ASIC2: variants seen among roughly 807,000 people sequenced by gnomAD.
The protein encoded by ASIC2 is acid sensing ion channel subunit 2, also known as acid-sensing ion channel 2.
ASIC2 carries 25 observed loss-of-function variants against 57.3 expected under a neutral mutation model. The observed-to-expected ratio is 0.44, with a 90% CI of 0.32 to 0.61. The LOEUF is 0.61. ASIC2 is among the 20% of genes least tolerant of loss of function. The pLI is 0.06. For synonymous variants in ASIC2, 319 were observed against 307.5 expected (o/e 1.04, Z -0.39); for missense variants, 641 against 738.1 (o/e 0.87, Z 1.52).
intron 1 of ASIC2, among the ~76,000 whole-genome samples, chr17:33,878,650 T>C (rs1162714773): frequency 6.6e-6 from 1 of 152,198 alleles, no homozygotes; most frequent in Non-Finnish European, 1.5e-5. Flanking sequence ...CTGAAAGTGA[T>C]GGGGAGAATG....
At chr17:33,409,463 A>G (rs1910580333) in intron 1 of ASIC2, among the ~76,000 whole-genome samples, 2 of 152,112 alleles carry the variant, frequency 1.3e-5, no homozygotes, top group African/African-American at 2.4e-5. Flanking sequence ...CCCTACAATA[A>G]CCCTAACACT....
intron 1 of ASIC2, among the ~76,000 whole-genome samples, chr17:33,184,407 C>A (rs1906105177): frequency 6.6e-6 from 1 of 152,160 alleles, no homozygotes. Flanking sequence ...AACACCGCCA[C>A]CTGAGACTTA....
intron 1 of ASIC2, among the ~76,000 whole-genome samples, chr17:33,416,560 C>T (rs1910847831): frequency 6.6e-6 from 1 of 152,190 alleles, no homozygotes; most frequent in Non-Finnish European, 1.5e-5. Flanking sequence ...AGCTACTAAC[C>T]AGGGCAGGTG....
At chr17:33,256,914 C>T (rs1314929620) in intron 1 of ASIC2, among the ~76,000 whole-genome samples, 1 of 152,154 alleles carries the variant, frequency 6.6e-6, no homozygotes, top group East Asian at 1.9e-4. Context: ...TTCCCCTCCC[C>T]ACTGGGTTCG....
Position 33,501,447 on chromosome 17 carries a change from T to A in ASIC2, c.556-389380A>T, listed in dbSNP as rs548046768. 3.9e-5 allele frequency among the ~76,000 whole-genome samples: 6 copies of A among 152,354 alleles called. No individual in the cohort carries two copies. The East Asian group carries it at 1.2e-3, about 29-fold the overall frequency. Reference sequence around the variant, plus strand: ...CCCCTACCTTGTCTTTATTTGTTTTTACTCCTGTAAACACTGGCACAGAAA... The same window carrying A: ...CCCCTACCTTGTCTTTATTTGTTTTAACTCCTGTAAACACTGGCACAGAAA... On this transcript the variant is annotated intron_variant, in intron 1 of 9. Transcript: ENST00000359872.
At chr17:33,284,115 T>C (rs914936907) in intron 1 of ASIC2, among the ~76,000 whole-genome samples, 18 of 152,292 alleles carry the variant, frequency 1.2e-4, no homozygotes, top group South Asian at 4.1e-4. Context: ...GAGGAAACAA[T>C]TTACAAGGCA....
At chr17:33,277,667 A>G (rs778724280) in intron 1 of ASIC2, among the ~76,000 whole-genome samples, 3 of 152,178 alleles carry the variant, frequency 2.0e-5, no homozygotes, top group Non-Finnish European at 2.9e-5. Context: ...ATGTGGTGCT[A>G]ATTACCCAGA....
intron 1 of ASIC2, among the ~76,000 whole-genome samples, chr17:33,507,789 C>T (rs1332959436): frequency 6.6e-6 from 1 of 152,150 alleles, no homozygotes; most frequent in African/African-American, 2.4e-5. Context: ...CCTCTAATCC[C>T]AGCTACTCAG....
At chr17:33,016,463 A>G (rs867343651) in intron 8 of ASIC2, among the ~76,000 whole-genome samples, 17 of 152,294 alleles carry the variant, frequency 1.1e-4, no homozygotes, top group Middle Eastern at 3.4e-3. Flanking sequence ...AGACCAGGAC[A>G]TGCCTGAGTT....
intron 1 of ASIC2, among the ~76,000 whole-genome samples, chr17:33,801,237 G>A (rs1482789872): frequency 1.3e-5 from 2 of 152,176 alleles, no homozygotes; most frequent in Admixed American, 1.3e-4. Context: ...AGGGTTCATC[G>A]TGTGATGGTA....
intron 1 of ASIC2, among the ~76,000 whole-genome samples, chr17:33,679,593 G>A (rs1164434407): frequency 6.6e-6 from 1 of 152,146 alleles, no homozygotes; most frequent in Non-Finnish European, 1.5e-5. Flanking sequence ...AAAACACATA[G>A]CACTAGGAAG....
chr17:33,217,405 A>C (rs1435923965), intron 1 of ASIC2, among the ~76,000 whole-genome samples: 1 of 152,164 alleles, frequency 6.6e-6, no homozygotes, highest in African/African-American at 2.4e-5. Flanking sequence ...CACACACACA[A>C]ACACACACGC....
chr17:33,864,793 A>T (rs1285979095), intron 1 of ASIC2, among the ~76,000 whole-genome samples: 1 of 152,212 alleles, frequency 6.6e-6, no homozygotes, highest in African/African-American at 2.4e-5. Flanking sequence ...ATGGCCTACA[A>T]AACAGAGCAT....
At chr17:33,424,701 C>T (rs1911157862) in intron 1 of ASIC2, among the ~76,000 whole-genome samples, 1 of 152,144 alleles carries the variant, frequency 6.6e-6, no homozygotes, top group African/African-American at 2.4e-5. Context: ...TTTCTTCCTT[C>T]CTTTAGTCCT....
At chr17:33,689,608 G>T (rs1908303194) in intron 1 of ASIC2, among the ~76,000 whole-genome samples, 1 of 151,792 alleles carries the variant, frequency 6.6e-6, no homozygotes, top group Admixed American at 6.6e-5. Context: ...AGATTGAGAT[G>T]ATTCCCCCTC....
chr17:33,154,367 C>A (rs999092062), intron 1 of ASIC2, among the ~76,000 whole-genome samples: 7 of 152,200 alleles, frequency 4.6e-5, no homozygotes, highest in African/African-American at 1.7e-4. Flanking sequence ...TATTCTAATA[C>A]TTTCATGGCA....
At chr17:33,158,275 T>TTGAA (rs3082795) in intron 1 of ASIC2, among the ~76,000 whole-genome samples, 36,833 of 151,374 alleles carry the variant, frequency 0.24, 4,590 homozygotes, top group East Asian at 0.39. Flanking sequence ...TCAGCAATAC[T>TTGAA]TGAATGAATG....
At chr17:33,138,077 G>T (rs927750176) in intron 1 of ASIC2, among the ~76,000 whole-genome samples, 1 of 152,186 alleles carries the variant, frequency 6.6e-6, no homozygotes, top group African/African-American at 2.4e-5. Context: ...CCAGCAGTTT[G>T]GGGGACAGAG....
chr17:34,149,571 A>AC (rs1489148426), intron 1 of ASIC2, among the ~76,000 whole-genome samples: 1 of 152,244 alleles, frequency 6.6e-6, no homozygotes, highest in African/African-American at 2.4e-5. Flanking sequence ...AAGCAGTTTG[A>AC]CAGCTATGTG....
Sources: allele counts gnomAD v4.1 joint callset (sites outside exome capture counted in the v4.1 genomes callset), GRCh38; gene constraint gnomAD v4.1.1; transcripts MANE v1.5; gene names NCBI Gene and HGNC (gene_info 2026-07-23, HGNC 2026-07-21).